Variants in RYR1 observed in about 807,000 individuals in gnomAD.
RYR1 encodes the protein central core disease of muscle.
In RYR1, 342 loss-of-function variants were observed where a neutral mutation model predicts 583.5. The observed-to-expected ratio is 0.59, with a 90% CI of 0.54 to 0.64. The LOEUF is 0.64. RYR1 is among the 30% of genes least tolerant of loss of function. The pLI, the probability that RYR1 is intolerant of heterozygous loss-of-function variation, is 0.00. For synonymous variants in RYR1, 2,791 were observed against 2,822.5 expected, an observed-to-expected ratio of 0.99 and a Z score of 0.35; for missense variants, 6,032 against 6,917.2, an observed-to-expected ratio of 0.87 and a Z score of 4.54.
chr19:38,535,215 C>T lies in RYR1; in HGVS notation c.11434C>T (p.Gln3812Ter). 1 of 1,614,114 alleles carries T rather than the reference C, an allele frequency of 6.2e-7. No individual in the cohort carries two copies. The highest frequency in any genetic ancestry group is 1.7e-5 in the Admixed American group (1 of 60,002). Residue 3812 changes from glutamine (Q) to a stop codon, truncating the protein, a stop_gained, in exon 80 of 106, where the codon CAG (glutamine) becomes TAG (stop). Transcript: ENST00000359596. LOFTEE classifies it high-confidence loss of function. ...CCTCAATGGAGGCAATGCTGAGGTC[C>T]AGCAGGTAACAGAGGCAAAGGGACT... is the stretch of plus-strand genomic sequence containing the variant. ...SILNGGNAEV[Q>*]QKMLDYLKDK... is the part of the protein sequence containing the mutation.
In RYR1 at chr19:38,455,444, C is replaced by T. The variant is rs368115056; in HGVS notation, c.1577-7C>T. 11 of 1,614,160 alleles carry T rather than the reference C, an allele frequency of 6.8e-6. No homozygotes were observed. The highest frequency in any genetic ancestry group is 2.2e-5 in the South Asian group (2 of 91,080). ...CCTATTGGATCTGACACCTCTTCCC[C>T]CCTCAGCTTCTCTAATCCGTGGCAA... On this transcript the variant is annotated splice_region_variant and splice_polypyrimidine_tract_variant and intron_variant, in intron 14 of 105. Coordinates refer to ENST00000359596, the MANE Select transcript of RYR1 (RefSeq NM_000540.3).
chr19:38,576,648 C>G (rs187077304), intron 97 of RYR1, among the ~76,000 whole-genome samples: 1 of 151,982 alleles, frequency 6.6e-6, no homozygotes, highest in Admixed American at 6.6e-5. Flanking sequence ...TGCATCTCTA[C>G]TAAAAACACA....
intron 2 of RYR1, among the ~76,000 whole-genome samples, chr19:38,441,175 G>A (rs1265747905): frequency 1.3e-5 from 2 of 150,502 alleles, no homozygotes; most frequent in South Asian, 2.1e-4. Context: ...CGGGTTTAAG[G>A]GGAGGTAGCC....
chr19:38,444,167 C>T lies in RYR1; in HGVS notation c.443C>T (p.Thr148Ile), dbSNP rs151325948. The T allele has an allele frequency of 1.1e-4, 178 of 1,613,806 alleles. No homozygotes were observed. The African/African-American group carries it at 2.2e-3, about 20-fold the overall frequency. The change falls in exon 6 of 106, where the codon ACC becomes ATC. Residue 148 changes from threonine to isoleucine, a missense_variant. Thr to Ile is a moderately conservative substitution (Grantham distance 89). Coordinates refer to ENST00000359596, the MANE Select transcript of RYR1 (RefSeq NM_000540.3). The surrounding 1 kb of genome is among the most constrained non-coding windows in gnomAD (Gnocchi z 5.1). ...EDATGEACWW[T>I]MHPASKQRSE... ...CCCATAGGAGAGGCTTGCTGGTGGACCATGCACCCAGCCTCCAAGCAGAGG... is the reference window on the plus strand; with the variant it reads ...CCCATAGGAGAGGCTTGCTGGTGGATCATGCACCCAGCCTCCAAGCAGAGG...
At chr19:38,505,759 C>A in intron 53 of RYR1, 47 bp from the exon 54 acceptor site, 1 of 1,612,852 alleles carries the variant, frequency 6.2e-7, no homozygotes, top group Middle Eastern at 1.6e-4. Flanking sequence ...TCCTCCACCC[C>A]TCTCTCATCC....
At chr19:38,567,547 G>A (rs1047942094) in intron 92 of RYR1, among the ~76,000 whole-genome samples, 2 of 151,950 alleles carry the variant, frequency 1.3e-5, no homozygotes, top group African/African-American at 4.8e-5. Context: ...TCCCAGCCCC[G>A]ACCACTCTGG....
intron 69 of RYR1, chr19:38,523,676 T>C (rs1354565860): frequency 1.6e-6 from 1 of 617,856 alleles, no homozygotes; most frequent in African/African-American, 1.8e-5. Flanking sequence ...CTTCCATTTC[T>C]TTCTTCCTCT....
At position 38,580,382 on chromosome 19, in the gene RYR1, G is replaced by A. The variant is rs193922879; in HGVS notation, c.14524G>A (p.Val4842Met). 9.7e-5 allele frequency: 156 copies of A among 1,613,970 alleles called. No individual in the cohort carries two copies. The highest frequency in any genetic ancestry group is 4.9e-4 in the Middle Eastern group (3 of 6,082). Residue 4842 changes from valine to methionine, a missense_variant, in exon 101 of 106, where the codon GTG becomes ATG. This residue lies in a region of RYR1 where 189 missense variants were observed against 350.3 expected (regional missense o/e 0.54). Transcript: ENST00000359596. ...THNGKQLVMT[V>M]GLLAVVVYLY... The stretch of plus-strand genomic sequence containing the variant: ...ATCCTGCCCCCAGCTGGTGATGACC[G>A]TGGGCCTTCTGGCGGTGGTCGTCTA...
chr19:38,510,273 A>T (rs1317973548), intron 58 of RYR1, among the ~76,000 whole-genome samples: 1 of 152,152 alleles, frequency 6.6e-6, no homozygotes, highest in African/African-American at 2.4e-5. Flanking sequence ...GTGAGCCGAG[A>T]TCGTGCCATT....
At chr19:38,564,207 T>C (rs1973281180) in intron 90 of RYR1, among the ~76,000 whole-genome samples, 1 of 152,186 alleles carries the variant, frequency 6.6e-6, no homozygotes, top group Non-Finnish European at 1.5e-5. Context: ...AGACAGACCC[T>C]GTCTCTGCAA....
chr19:38,490,405 T>C, intron 36 of RYR1, 129 bp downstream of exon 36: 1 of 950,172 alleles, frequency 1.1e-6, no homozygotes, highest in African/African-American at 1.6e-5. Context: ...GATACATTTA[T>C]CTCCTACTCT....
chr19:38,557,759 G>A (rs540259551), intron 89 of RYR1, among the ~76,000 whole-genome samples: 5 of 151,978 alleles, frequency 3.3e-5, no homozygotes, highest in East Asian at 3.9e-4. Flanking sequence ...AGCCAAGATC[G>A]CGTCATTGCA....
Position 38,478,483 on chromosome 19 carries a change from T to A in RYR1, c.4503T>A (p.Ser1501Arg), listed in dbSNP as rs1301126085. Residue 1501 changes from serine to arginine, a missense_variant, in exon 31 of 106, where the codon AGT becomes AGA. Physicochemically the swap from Ser to Arg is moderately radical, Grantham distance 110. Coordinates refer to ENST00000359596, the MANE Select transcript of RYR1 (RefSeq NM_000540.3). ...CYMVWGGDFVSPGQQGRISHT... is the reference protein window; with the variant it reads ...CYMVWGGDFVRPGQQGRISHT... The stretch of plus-strand genomic sequence containing the variant: ...TGGTGTGGGGCGGAGACTTTGTGAG[T>A]CCCGGGCAGCAGGGCCGGATCAGCC... The A allele has an allele frequency of 6.2e-7, 1 of 1,613,934 alleles. No homozygotes were observed. The highest frequency in any genetic ancestry group is 1.1e-5 in the South Asian group (1 of 91,078).
At chr19:38,536,682 C>T (rs374124404) in intron 82 of RYR1, 68 bp from the exon 83 acceptor site, 67 of 1,566,550 alleles carry the variant, frequency 4.3e-5, no homozygotes, top group South Asian at 1.1e-4. Flanking sequence ...TGTGTGTTTG[C>T]GGTCTGTCTC....
chr19:38,578,569 A>C (rs1974060748), intron 99 of RYR1, among the ~76,000 whole-genome samples: 1 of 152,226 alleles, frequency 6.6e-6, no homozygotes, highest in Non-Finnish European at 1.5e-5. Context: ...GTGCTGGCTT[A>C]CGCCTGTAGT....
chr19:38,575,065 G>A (rs1168481469), intron 96 of RYR1, among the ~76,000 whole-genome samples: 3 of 151,270 alleles, frequency 2.0e-5, no homozygotes, highest in African/African-American at 7.3e-5. Flanking sequence ...AAACTCGTTG[G>A]CCATATTTGA....
intron 83 of RYR1, among the ~76,000 whole-genome samples, chr19:38,537,347 C>T: frequency 6.6e-6 from 1 of 152,150 alleles, no homozygotes; most frequent in Non-Finnish European, 1.5e-5. Context: ...CTGATTGGCC[C>T]TTGTTTACAC....
Position 38,512,275 on chromosome 19 carries a change from G to A in RYR1, c.9264G>A (p.Val3088=), listed in dbSNP as rs1373775392. 1.9e-6 allele frequency: 3 copies of A among 1,614,230 alleles called. No individual in the cohort carries two copies. In the South Asian group the frequency reaches 3.3e-5, roughly 18 times the overall value. The stretch of plus-strand genomic sequence containing the variant: ...TGATGAAGTCAGGCCCTGAGATCGT[G>A]AAGGCTGGCCTCCGCTCCTTCTTCG... ...RTVMKSGPEI[V]KAGLRSFFES... is the part of the protein sequence containing the mutation. Residue 3088 remains valine, a synonymous_variant, in exon 63 of 106, where the codon GTG becomes GTA. Coordinates refer to ENST00000359596, the MANE Select transcript of RYR1 (RefSeq NM_000540.3). The surrounding 1 kb of genome is among the most constrained non-coding windows in gnomAD (Gnocchi z 5.1).
chr19:38,492,027 T>C (rs555674311), intron 37 of RYR1, among the ~76,000 whole-genome samples: 4 of 152,284 alleles, frequency 2.6e-5, no homozygotes, highest in African/African-American at 9.6e-5. Context: ...AAGATAAATG[T>C]TTGATAGAAT....
Sources: allele counts gnomAD v4.1 joint callset (sites outside exome capture counted in the v4.1 genomes callset), GRCh38; gene constraint gnomAD v4.1.1; regional missense constraint gnomAD v4.1.1; non-coding constraint Gnocchi (gnomAD v3.1); transcripts MANE v1.5; gene names NCBI Gene and HGNC (gene_info 2026-07-23, HGNC 2026-07-21).